CHM: variants seen among roughly 807,000 people sequenced by gnomAD.
The protein encoded by CHM is CHM Rab escort protein.
A neutral mutation model predicts 49.0 loss-of-function variants in CHM; 10 were observed. The observed-to-expected ratio is 0.20, with a 90% confidence interval of 0.13 to 0.35. The LOEUF is 0.35. Ranked by LOEUF, CHM falls within the 10% of genes least tolerant of loss-of-function variation. The pLI is 1.00. For missense variants in CHM, 455 were observed against 478.4 expected (o/e 0.95, Z 0.46); for synonymous variants, 184 against 167.5 (o/e 1.10, Z -0.76).
At chrX:85,938,833 T>TG (rs201785528) in intron 8 of CHM, among the ~76,000 whole-genome samples, 13 of 110,838 alleles carry the variant, frequency 1.2e-4, no homozygotes, top group African/African-American at 3.9e-4. Context: ...TGTGTGTGTG[T>TG]TTTTAATGAT....
intron 2 of CHM, among the ~76,000 whole-genome samples, chrX:85,998,782 C>T (rs866868442): frequency 1.8e-5 from 2 of 111,099 alleles, no homozygotes; most frequent in South Asian, 7.7e-4. Context: ...AGTATGGCTT[C>T]TGTACCATCA....
chrX:86,044,878 C>T (rs1056443626), intron 1 of CHM, among the ~76,000 whole-genome samples: 1 of 111,320 alleles, frequency 9.0e-6, no homozygotes, highest in African/African-American at 3.3e-5. Flanking sequence ...TTTGGATGTT[C>T]AAGAGATATT....
At chrX:85,969,356 T>C in intron 4 of CHM, 1 of 738,487 alleles carries the variant, frequency 1.4e-6, no homozygotes, top group Non-Finnish European at 1.6e-6. Context: ...AACTTGAGTT[T>C]GTGTGATTTA....
intron 14 of CHM, among the ~76,000 whole-genome samples, chrX:85,868,281 T>C (rs1172864614): frequency 9.0e-6 from 1 of 110,622 alleles, no homozygotes; most frequent in Non-Finnish European, 1.9e-5. Flanking sequence ...GTATGAACTT[T>C]CAGCTATAAG....
At chrX:85,881,564 G>A (rs1924762431) in intron 12 of CHM, among the ~76,000 whole-genome samples, 2 of 111,805 alleles carry the variant, frequency 1.8e-5, no homozygotes, top group African/African-American at 6.5e-5. Context: ...AGGAAGGGCT[G>A]GGACTCAGAG....
intron 9 of CHM, among the ~76,000 whole-genome samples, chrX:85,903,188 G>C (rs1350286501): frequency 1.8e-5 from 2 of 111,470 alleles, no homozygotes; most frequent in Non-Finnish European, 3.8e-5. Flanking sequence ...GACTGAACAA[G>C]TTTATTAAAA....
intron 14 of CHM, among the ~76,000 whole-genome samples, chrX:85,865,289 T>C (rs1923620097): frequency 9.0e-6 from 1 of 111,650 alleles, no homozygotes; most frequent in Admixed American, 9.5e-5. Context: ...TAGTGAGTTC[T>C]CAGAATATCT....
At chrX:86,003,872 G>A (rs1027798895) in intron 2 of CHM, among the ~76,000 whole-genome samples, 1 of 111,835 alleles carries the variant, frequency 8.9e-6, no homozygotes, top group Non-Finnish European at 1.9e-5. Context: ...CCCCAACCTA[G>A]AAAGACAGGC....
At chrX:85,870,019 G>T (rs1378867264) in intron 14 of CHM, among the ~76,000 whole-genome samples, 1 of 111,859 alleles carries the variant, frequency 8.9e-6, no homozygotes, top group Non-Finnish European at 1.9e-5. Flanking sequence ...CTACTCATAA[G>T]CTGAAAGTAG....
At position 85,873,159 on chromosome X, in the gene CHM, T is replaced by A. The variant is rs2148120604; in HGVS notation, c.1663A>T (p.Arg555Ter). The A allele has an allele frequency of 8.3e-7, 1 of 1,205,890 alleles. No homozygotes were observed. Among genetic ancestry groups the A allele is most frequent in the Non-Finnish European group, 1.1e-6 (1 of 891,169 alleles). ...CTCCTGCTGATGTCTGACGAATCTC[T>A]CATATTGAAGTAAAGAGCCCACAGA... Reference protein sequence around the residue: ...RILWALYFNMRDSSDISRSCY... With the variant: ...RILWALYFNM The change falls in exon 14 of 15, where the codon AGA becomes TGA. Residue 555 changes from arginine (R) to a stop codon, truncating the protein, a stop_gained. Transcript: ENST00000357749. LOFTEE classifies it high-confidence loss of function.
chrX:85,942,764 T>TA (rs1445108754), intron 8 of CHM, among the ~76,000 whole-genome samples: 14 of 109,829 alleles, frequency 1.3e-4, no homozygotes, highest in Admixed American at 2.0e-4. Context: ...TCTTTTTTTT[T>TA]TTTATATATA....
At chrX:85,929,832 T>G (rs778809510) in intron 8 of CHM, among the ~76,000 whole-genome samples, 39 of 111,864 alleles carry the variant, frequency 3.5e-4, no homozygotes, top group African/African-American at 1.3e-3. Context: ...CCAGGTGTGG[T>G]GGCTCATGCC....
chrX:86,016,669 G>A (rs1367395531), intron 2 of CHM, among the ~76,000 whole-genome samples: 1 of 112,604 alleles, frequency 8.9e-6, no homozygotes, highest in Non-Finnish European at 1.9e-5. Flanking sequence ...CCAGACAGAA[G>A]TTTTCTGCAG....
At chrX:86,012,321 G>A (rs1300715524) in intron 2 of CHM, among the ~76,000 whole-genome samples, 2 of 111,720 alleles carry the variant, frequency 1.8e-5, no homozygotes, top group Non-Finnish European at 3.8e-5. Context: ...AGGCCCTGGA[G>A]ACAAAAACTC....
In CHM at chrX:85,894,265, G is replaced by A; in HGVS notation, c.1433C>T (p.Pro478Leu). 2 of 1,207,997 alleles carry A rather than the reference G, an allele frequency of 1.7e-6. No homozygotes were observed. Among genetic ancestry groups the A allele is most frequent in the Non-Finnish European group, 2.2e-6 (2 of 892,608 alleles). The change falls in exon 12 of 15, where the codon CCA becomes CTA. Residue 478 changes from proline to leucine, a missense_variant. By Grantham distance (98) the Pro-to-Leu change is moderately conservative. Transcript: ENST00000357749. ...AGCAAAAGTTCCTGGTTCCTCTGCTGGCACTGTCAAAATGGAAATCTAAAA... is the reference window on the plus strand; with the variant it reads ...AGCAAAAGTTCCTGGTTCCTCTGCTAGCACTGTCAAAATGGAAATCTAAAA... Reference protein sequence around the residue: ...SDQQISILTVPAEEPGTFAVR... With the variant: ...SDQQISILTVLAEEPGTFAVR...
intron 8 of CHM, among the ~76,000 whole-genome samples, chrX:85,950,732 G>A (rs1396955095): frequency 8.9e-6 from 1 of 111,848 alleles, no homozygotes; most frequent in Non-Finnish European, 1.9e-5. Flanking sequence ...ATAGGATAAT[G>A]TAGGTCTAAA....
chrX:86,012,627 G>A (rs945491101), intron 2 of CHM, among the ~76,000 whole-genome samples: 4 of 111,455 alleles, frequency 3.6e-5, no homozygotes, highest in African/African-American at 1.3e-4. Context: ...GAGGCACCCC[G>A]CTGGAACCTT....
chrX:85,869,775 T>C (rs1211067923), intron 14 of CHM, among the ~76,000 whole-genome samples: 1 of 112,126 alleles, frequency 8.9e-6, no homozygotes, highest in South Asian at 3.7e-4. Flanking sequence ...TTGGCAACTT[T>C]TCATCCTCTT....
At chrX:85,913,478 G>A (rs1016164519) in intron 8 of CHM, among the ~76,000 whole-genome samples, 42 of 109,791 alleles carry the variant, frequency 3.8e-4, no homozygotes, top group Non-Finnish European at 6.3e-4. Flanking sequence ...TGTGAAGACA[G>A]GAGTAGACGT....
Sources: allele counts gnomAD v4.1 joint callset (sites outside exome capture counted in the v4.1 genomes callset), GRCh38; gene constraint gnomAD v4.1.1; transcripts MANE v1.5; gene names NCBI Gene and HGNC (gene_info 2026-07-23, HGNC 2026-07-21).